The following LRFN5 variants were observed in gnomAD, a reference collection of about 807,000 sequenced individuals.
LRFN5 encodes leucine rich repeat and fibronectin type III domain containing 5, also known as leucine-rich repeat and fibronectin type-III domain-containing protein 5.
Under a neutral mutation model 45.6 loss-of-function variants are expected in LRFN5, and 24 were observed. The observed-to-expected ratio is 0.53, with a 90% CI of 0.38 to 0.74. The LOEUF is 0.74. Among genes scored for constraint, LRFN5 ranks in the 30% least tolerant of loss-of-function variants. LRFN5 has a pLI of 0.00. For missense variants in LRFN5, 776 were observed against 861.5 expected, an observed-to-expected ratio of 0.90 and a Z score of 1.24; for synonymous variants, 340 against 313.8, an observed-to-expected ratio of 1.08 and a Z score of -0.88.
chr14:41,865,659 G>A (rs1889815070), intron 2 of LRFN5, among the ~76,000 whole-genome samples: 1 of 152,102 alleles, frequency 6.6e-6, no homozygotes, highest in Non-Finnish European at 1.5e-5. Flanking sequence ...CTTGCAAAGT[G>A]GCTACACATA....
intron 2 of LRFN5, among the ~76,000 whole-genome samples, chr14:41,768,033 A>T (rs1885949810): frequency 6.6e-6 from 1 of 152,140 alleles, no homozygotes; most frequent in Non-Finnish European, 1.5e-5. Context: ...ATATAGAACA[A>T]AAGTTTGATA....
At chr14:41,764,970 T>C (rs1885819403) in intron 1 of LRFN5, among the ~76,000 whole-genome samples, 1 of 152,052 alleles carries the variant, frequency 6.6e-6, no homozygotes, top group Non-Finnish European at 1.5e-5. Context: ...AAGATTACGC[T>C]TATGGTAGAT....
intron 2 of LRFN5, among the ~76,000 whole-genome samples, chr14:41,778,948 G>A (rs1461393955): frequency 6.6e-6 from 1 of 151,604 alleles, no homozygotes; most frequent in Non-Finnish European, 1.5e-5. Context: ...TGTCATCTGT[G>A]AACAAAGACA....
At chr14:41,674,445 G>A (rs1443382455) in intron 1 of LRFN5, among the ~76,000 whole-genome samples, 11 of 135,052 alleles carry the variant, frequency 8.1e-5, no homozygotes, top group Non-Finnish European at 1.4e-4. Context: ...CTTCCCAGTA[G>A]GGGCGGCCGG....
intron 2 of LRFN5, among the ~76,000 whole-genome samples, chr14:41,812,936 G>C (rs1566459386): frequency 6.6e-6 from 1 of 152,202 alleles, no homozygotes; most frequent in East Asian, 1.9e-4. Context: ...TTCCAGACTA[G>C]AGAAAAGACA....
chr14:41,630,494 T>C (rs1188666659), intron 1 of LRFN5, among the ~76,000 whole-genome samples: 1 of 152,176 alleles, frequency 6.6e-6, no homozygotes, highest in Non-Finnish European at 1.5e-5. Context: ...ATTTGTTTAA[T>C]ATCAATCTGT....
At chr14:41,807,160 T>A (rs1298863042) in intron 2 of LRFN5, among the ~76,000 whole-genome samples, 2 of 152,172 alleles carry the variant, frequency 1.3e-5, no homozygotes, top group Non-Finnish European at 2.9e-5. Flanking sequence ...CCAGAATAAT[T>A]TGCTGGTATT....
chr14:41,806,609 A>G (rs781360450), intron 2 of LRFN5, among the ~76,000 whole-genome samples: 17 of 152,204 alleles, frequency 1.1e-4, no homozygotes, highest in Admixed American at 3.3e-4. Context: ...TTATACTGGG[A>G]AAATGAGCCC....
At chr14:41,754,583 T>C (rs1338350372) in intron 1 of LRFN5, among the ~76,000 whole-genome samples, 1 of 152,144 alleles carries the variant, frequency 6.6e-6, no homozygotes, top group Non-Finnish European at 1.5e-5. Context: ...CTGATGGTAG[T>C]TTGTATTTCT....
intron 5 of LRFN5, 70 bp downstream of exon 5, chr14:41,899,030 A>C: frequency 8.1e-7 from 1 of 1,240,428 alleles, no homozygotes; most frequent in Non-Finnish European, 1.1e-6. Flanking sequence ...AATTAACTTT[A>C]AGTAATTAGT....
At chr14:41,754,860 G>C (rs1885303297) in intron 1 of LRFN5, among the ~76,000 whole-genome samples, 1 of 151,940 alleles carries the variant, frequency 6.6e-6, no homozygotes, top group South Asian at 2.1e-4. Context: ...TGATGTTAGG[G>C]TGTCGATTTT....
intron 2 of LRFN5, among the ~76,000 whole-genome samples, chr14:41,855,624 G>GA (rs1001426218): frequency 6.6e-6 from 1 of 152,056 alleles, no homozygotes; most frequent in African/African-American, 2.4e-5. Flanking sequence ...TTTCCACTCT[G>GA]AAAAATATAA....
In LRFN5 at chr14:41,736,335, T is replaced by C. The variant is rs142875029; in HGVS notation, c.-196-30519T>C. ...AGATGGTATCTCATTGTGGTTTTGA[T>C]TTGCATTTCTCTAATAACCAGTGAT... On this transcript the variant is annotated intron_variant, in intron 1 of 5. Coordinates refer to ENST00000298119, the MANE Select transcript of LRFN5 (RefSeq NM_152447.5). Among the ~76,000 whole-genome samples, 951 of 152,330 alleles carry C rather than the reference T, an allele frequency of 6.2e-3. 11 individuals carry two copies. Among genetic ancestry groups the C allele is most frequent in the African/African-American group, 0.022 (915 of 41,584 alleles).
At chr14:41,778,996 C>G in intron 2 of LRFN5, among the ~76,000 whole-genome samples, 1 of 151,666 alleles carries the variant, frequency 6.6e-6, no homozygotes, top group African/African-American at 2.4e-5. Flanking sequence ...ATTTATTCTC[C>G]TTTCATTTCT....
At chr14:41,888,842 C>G (rs1478375215) in intron 3 of LRFN5, among the ~76,000 whole-genome samples, 2 of 151,916 alleles carry the variant, frequency 1.3e-5, no homozygotes, top group Non-Finnish European at 2.9e-5. Context: ...ATAGTCACAT[C>G]TTATCCAATT....
intron 1 of LRFN5, among the ~76,000 whole-genome samples, chr14:41,656,127 C>G (rs1388805272): frequency 6.6e-6 from 1 of 151,918 alleles, no homozygotes; most frequent in East Asian, 1.9e-4. Context: ...CTGAAATTGG[C>G]ATATAGTTCA....
intron 2 of LRFN5, among the ~76,000 whole-genome samples, chr14:41,782,470 A>T (rs1029148010): frequency 2.0e-5 from 3 of 152,058 alleles, no homozygotes; most frequent in Non-Finnish European, 4.4e-5. Flanking sequence ...CATATTAATC[A>T]TAGTTATTTT....
At chr14:41,807,283 A>G (rs1490458869) in intron 2 of LRFN5, among the ~76,000 whole-genome samples, 3 of 151,954 alleles carry the variant, frequency 2.0e-5, no homozygotes, top group African/African-American at 2.4e-5. Context: ...CTTTTTTTTT[A>G]GCTCAACATA....
chr14:41,670,261 A>G (rs1382654411), intron 1 of LRFN5, among the ~76,000 whole-genome samples: 1 of 6,170 alleles, frequency 1.6e-4, no homozygotes, highest in Non-Finnish European at 3.0e-4. Context: ...ACACAGATAT[A>G]TATATATATA....
Sources: allele counts gnomAD v4.1 joint callset (sites outside exome capture counted in the v4.1 genomes callset), GRCh38; gene constraint gnomAD v4.1.1; transcripts MANE v1.5; gene names NCBI Gene and HGNC (gene_info 2026-07-23, HGNC 2026-07-21).